COL9A1: variants seen among roughly 807,000 people sequenced by gnomAD.
The protein encoded by COL9A1 is collagen type IX alpha 1 chain.
Under a neutral mutation model 142.6 loss-of-function variants are expected in COL9A1, and 104 were observed. The ratio of observed to expected loss-of-function variants is 0.73; its 90% CI spans 0.62 to 0.86. COL9A1 has a LOEUF of 0.86. COL9A1 is among the 40% of genes least tolerant of loss of function. COL9A1 has a pLI of 0.00. For missense variants in COL9A1, 1,210 were observed against 1,176.6 expected, an observed-to-expected ratio of 1.03 and a Z score of -0.42; for synonymous variants, 466 against 396.0, an observed-to-expected ratio of 1.18 and a Z score of -2.10.
chr6:70,282,720 G>A (rs1026655713), intron 7 of COL9A1, among the ~76,000 whole-genome samples, 178 bp downstream of exon 7: 8 of 152,258 alleles, frequency 5.3e-5, no homozygotes, highest in South Asian at 2.1e-4. Flanking sequence ...AGACCAAGGG[G>A]TCATCTACGG....
intron 1 of COL9A1, 46 bp from the exon 2 acceptor site, chr6:70,302,120 A>T: frequency 2.3e-6 from 3 of 1,280,744 alleles, no homozygotes; most frequent in Non-Finnish European, 3.4e-6. Flanking sequence ...GTCCCCGCAG[A>T]TGGAAAACAC....
At chr6:70,260,353 C>A (rs1337102839) in intron 20 of COL9A1, among the ~76,000 whole-genome samples, 1 of 151,982 alleles carries the variant, frequency 6.6e-6, no homozygotes, top group Non-Finnish European at 1.5e-5. Flanking sequence ...ACCTGCCTGG[C>A]CAACATGGTG....
chr6:70,265,999 A>T (rs1178297638), intron 18 of COL9A1, among the ~76,000 whole-genome samples: 1 of 152,182 alleles, frequency 6.6e-6, no homozygotes, highest in African/African-American at 2.4e-5. Context: ...GAACAACTTA[A>T]CTTTGTAAAA....
In COL9A1 at chr6:70,232,591, C is replaced by T. The variant is rs201159365; in HGVS notation, c.2495G>A (p.Gly832Glu). ...KGPPGALGLR[G>E]PKGDLGEKGE... ...TGGGCAAGATGACTTACCTTTAGGT[C>T]CCCTCAAACCAAGAGCACCAGGGGG... The change falls in exon 36 of 38, where the codon GGA becomes GAA. Residue 832 changes from glycine (G) to glutamate (E), a missense_variant. Coordinates refer to ENST00000357250, the MANE Select transcript of COL9A1 (RefSeq NM_001851.6). 1 of 1,613,842 alleles carries T rather than the reference C, an allele frequency of 6.2e-7. No individual in the cohort carries two copies. Among genetic ancestry groups the T allele is most frequent in the Non-Finnish European group, 8.5e-7 (1 of 1,180,008 alleles).
At chr6:70,246,772 A>G (rs1025709918) in intron 28 of COL9A1, among the ~76,000 whole-genome samples, 2 of 152,158 alleles carry the variant, frequency 1.3e-5, no homozygotes, top group African/African-American at 4.8e-5. Flanking sequence ...TGGAGCTATG[A>G]TTTGAGCTAC....
chr6:70,279,216 C>A (rs1772955582), intron 10 of COL9A1, among the ~76,000 whole-genome samples: 1 of 152,112 alleles, frequency 6.6e-6, no homozygotes, highest in Non-Finnish European at 1.5e-5. Flanking sequence ...TTGAATTTGT[C>A]AGACTCTTTT....
intron 28 of COL9A1, 25 bp from the exon 29 acceptor site, chr6:70,242,740 T>C (rs781046161): frequency 3.7e-6 from 6 of 1,610,810 alleles, no homozygotes; most frequent in East Asian, 4.5e-5. Flanking sequence ...ACATTGTCAA[T>C]TGGATATTTT....
chr6:70,281,669 G>C (rs893176094), intron 7 of COL9A1, among the ~76,000 whole-genome samples: 1 of 152,106 alleles, frequency 6.6e-6, no homozygotes, highest in Non-Finnish European at 1.5e-5. Flanking sequence ...TAAACTGTGG[G>C]GCTAGAGCAG....
At chr6:70,253,732 T>C (rs939409357) in intron 25 of COL9A1, among the ~76,000 whole-genome samples, 3 of 152,176 alleles carry the variant, frequency 2.0e-5, no homozygotes, top group African/African-American at 7.2e-5. Context: ...AGTACCACTT[T>C]CAGGTCAAGA....
chr6:70,257,674 G>C (rs1771407106), intron 20 of COL9A1, among the ~76,000 whole-genome samples: 1 of 152,138 alleles, frequency 6.6e-6, no homozygotes, highest in Non-Finnish European at 1.5e-5. Context: ...TTGGGCCCGA[G>C]AGGAGGAGAT....
chr6:70,254,457 T>A lies in COL9A1; in HGVS notation c.1719+19A>T, dbSNP rs756256705. The A allele has an allele frequency of 6.2e-7, 1 of 1,612,944 alleles. No homozygotes were observed. Among genetic ancestry groups the A allele is most frequent in the Non-Finnish European group, 8.5e-7 (1 of 1,178,938 alleles). On this transcript the variant is annotated intron_variant, in intron 25 of 37. Transcript: ENST00000357250. ...ACATGTATATAAACCAATTAACATGTAAAGAATCAAATACTTACTGGTAAC... is the reference window on the plus strand; with the variant it reads ...ACATGTATATAAACCAATTAACATGAAAAGAATCAAATACTTACTGGTAAC...
chr6:70,272,414 A>G (rs562802384), intron 12 of COL9A1, among the ~76,000 whole-genome samples: 1 of 152,256 alleles, frequency 6.6e-6, no homozygotes, highest in African/African-American at 2.4e-5. Context: ...GTGCATCACA[A>G]CTGGAGAGTT....
At chr6:70,270,685 G>A (rs518558) in intron 14 of COL9A1, among the ~76,000 whole-genome samples, 82,578 of 152,090 alleles carry the variant, frequency 0.54, 24,241 homozygotes, top group African/African-American at 0.79. Flanking sequence ...TTATTTTTCT[G>A]GTTGATTTAC....
intron 37 of COL9A1, among the ~76,000 whole-genome samples, chr6:70,225,413 T>C (rs1769167372): frequency 6.6e-6 from 1 of 152,100 alleles, no homozygotes; most frequent in Non-Finnish European, 1.5e-5. Flanking sequence ...TGGCTCTTAG[T>C]GATTATGAGC....
chr6:70,250,332 C>T (rs889330923), intron 28 of COL9A1, among the ~76,000 whole-genome samples: 2 of 152,188 alleles, frequency 1.3e-5, no homozygotes, highest in African/African-American at 2.4e-5. Context: ...CCACACACTG[C>T]TCAATCTTCC....
At chr6:70,295,762 G>A (rs1000078785) in intron 4 of COL9A1, among the ~76,000 whole-genome samples, 1 of 152,182 alleles carries the variant, frequency 6.6e-6, no homozygotes, top group Non-Finnish European at 1.5e-5. Context: ...GCTGCTAAAA[G>A]CTGAAGACTG....
chr6:70,248,039 T>C (rs1277809200), intron 28 of COL9A1, among the ~76,000 whole-genome samples: 1 of 152,162 alleles, frequency 6.6e-6, no homozygotes, highest in African/African-American at 2.4e-5. Context: ...CTGAGGTACA[T>C]CAGCATGAAA....
intron 1 of COL9A1, among the ~76,000 whole-genome samples, chr6:70,302,564 C>G (rs554476460): frequency 6.6e-6 from 1 of 152,174 alleles, no homozygotes; most frequent in Non-Finnish European, 1.5e-5. Context: ...TTTCCAGACC[C>G]CACTGTCGTT....
chr6:70,266,668 C>T (rs1047919680), intron 18 of COL9A1, 49 bp downstream of exon 18: 8 of 1,370,934 alleles, frequency 5.8e-6, no homozygotes, highest in Non-Finnish European at 8.3e-6. Context: ...ATGAAAGTGA[C>T]CAATAACTCC....
Sources: gnomAD v4.1 joint callset for allele counts (sites outside exome capture counted in the v4.1 genomes callset) on GRCh38, gnomAD v4.1.1 for gene constraint, MANE v1.5 for transcripts, NCBI Gene and HGNC (gene_info 2026-07-23, HGNC 2026-07-21) for gene names.